The following PCDHGA2 variants were observed in gnomAD, a reference collection of about 807,000 sequenced individuals.
The protein encoded by PCDHGA2 is protocadherin gamma-A2.
A neutral mutation model predicts 59.2 loss-of-function variants in PCDHGA2; 40 were observed. The ratio of observed to expected loss-of-function variants is 0.68; its 90% CI spans 0.52 to 0.88. The LOEUF (loss-of-function observed/expected upper bound fraction) is 0.88, where lower values mean the gene tolerates loss of function less well. Among genes scored for constraint, PCDHGA2 ranks in the 40% least tolerant of loss-of-function variants. The pLI is 0.00. For missense variants in PCDHGA2, 1,226 were observed against 1,204.0 expected, an observed-to-expected ratio of 1.02 and a Z score of -0.27; for synonymous variants, 560 against 526.0, an observed-to-expected ratio of 1.06 and a Z score of -0.89.
rs374200575 is a variant in PCDHGA2, at chr5:141,432,105, C to T, written c.2425-62702C>T. On this transcript the variant is annotated intron_variant, in intron 1 of 3. Transcript: ENST00000394576. The surrounding 1 kb of genome is among the most constrained non-coding windows in gnomAD (Gnocchi z 6.0). ...AACGTGGCAGACACCAACGACAACC[C>T]GCCGGTCTTCCCTCAGGCCTCCTAT... 1.9e-6 allele frequency: 3 copies of T among 1,614,172 alleles called. No homozygotes were observed. Among genetic ancestry groups the T allele is most frequent in the Admixed American group, 3.3e-5 (2 of 60,032 alleles).
In PCDHGA2 at chr5:141,511,233, T is replaced by C. The variant is rs776405064; in HGVS notation, c.*60T>C. 5.0e-6 allele frequency: 8 copies of C among 1,595,310 alleles called. No homozygotes were observed. Among genetic ancestry groups the C allele is most frequent in the Non-Finnish European group, 6.8e-6 (8 of 1,170,902 alleles). On this transcript the variant is annotated 3_prime_UTR_variant, in exon 4 of 4. Transcript: ENST00000394576. ...CTCCCCAACCAGCCCAGCTTCTCCT[T>C]ACCTGCACCCAGGCCTCAGAGTTTC...
chr5:141,403,694 C>T (rs746395931), intron 1 of PCDHGA2: 3 of 1,613,760 alleles, frequency 1.9e-6, no homozygotes, highest in Admixed American at 3.3e-5. Flanking sequence ...ACGGATTTAC[C>T]GAGTTAAAGT....
intron 1 of PCDHGA2, chr5:141,352,665 C>T (rs755324921): frequency 2.5e-6 from 4 of 1,587,432 alleles, no homozygotes; most frequent in South Asian, 1.1e-5. Context: ...TCTTTGTCTT[C>T]GCACGTGAGT....
intron 1 of PCDHGA2, among the ~76,000 whole-genome samples, chr5:141,475,620 G>A (rs2154572702): frequency 6.6e-6 from 1 of 152,238 alleles, no homozygotes; most frequent in Admixed American, 6.5e-5. Flanking sequence ...TTTTCGGTTT[G>A]GTTCGATCCC....
In PCDHGA2 at chr5:141,477,005, T is replaced by C; in HGVS notation, c.2425-17802T>C. The C allele has an allele frequency of 1.2e-6, 2 of 1,614,240 alleles. No individual in the cohort carries two copies. Among genetic ancestry groups the C allele is most frequent in the Non-Finnish European group, 1.7e-6 (2 of 1,180,040 alleles). Reference sequence around the variant, plus strand: ...CGCCGGCGTGCGGCAACTATTCGCCTTAGACCTTGTAACCGGGATGCTGAC... The same window carrying C: ...CGCCGGCGTGCGGCAACTATTCGCCCTAGACCTTGTAACCGGGATGCTGAC... On this transcript the variant is annotated intron_variant, in intron 1 of 3. Transcript: ENST00000394576. The surrounding 1 kb of genome is among the most constrained non-coding windows in gnomAD (Gnocchi z 4.9).
At chr5:141,405,603 T>A in intron 1 of PCDHGA2, 1 of 571,444 alleles carries the variant, frequency 1.7e-6, no homozygotes, top group Non-Finnish European at 3.1e-6. Flanking sequence ...CCAAGTAGAA[T>A]AACTGGGACT....
At chr5:141,506,910 G>C (rs1165112258) in intron 3 of PCDHGA2, among the ~76,000 whole-genome samples, 1 of 152,082 alleles carries the variant, frequency 6.6e-6, no homozygotes, top group Admixed American at 6.5e-5. Context: ...ATCACACCTG[G>C]GCACATACTA....
chr5:141,371,485 C>T, intron 1 of PCDHGA2: 1 of 1,613,980 alleles, frequency 6.2e-7, no homozygotes, highest in South Asian at 1.1e-5. Context: ...GAGCTGGGGA[C>T]TGCCGTTGCC....
Position 141,423,756 on chromosome 5 carries a change from G to GA in PCDHGA2, c.2425-71051_2425-71050insA. ...GCCTGTTATGAAAACTGTTTGGGGGGGGGGTGGGGCGGCATATATTTAGTT... is the reference window on the plus strand; with the variant it reads ...GCCTGTTATGAAAACTGTTTGGGGGGAGGGGTGGGGCGGCATATATTTAGTT... On this transcript the variant is annotated intron_variant, in intron 1 of 3. Transcript: ENST00000394576. 2 of 448,622 alleles carry GA rather than the reference G, an allele frequency of 4.5e-6. 1 individual carries two copies. The highest frequency in any genetic ancestry group is 6.1e-6 in the Non-Finnish European group (2 of 329,708). 27.8% of individuals were successfully genotyped at this position (448,622 alleles called of 1,614,324 possible). A position where few individuals can be genotyped will look rare whatever the true frequency, so the allele number is the denominator to read the frequency against.
intron 1 of PCDHGA2, chr5:141,419,150 C>T (rs1276109093): frequency 1.2e-6 from 2 of 1,613,850 alleles, no homozygotes; most frequent in Admixed American, 3.3e-5. Flanking sequence ...GGGCAAGCCT[C>T]CGTTATCCTC....
At chr5:141,393,968 C>T (rs2092886432) in intron 1 of PCDHGA2, 1 of 1,613,770 alleles carries the variant, frequency 6.2e-7, no homozygotes, top group Non-Finnish European at 8.5e-7. Context: ...TTGTCTGTTA[C>T]ACACGTGATA....
chr5:141,366,360 G>T, intron 1 of PCDHGA2: 1 of 1,614,024 alleles, frequency 6.2e-7, no homozygotes. Context: ...GACCTAGGCA[G>T]TATCAAGACC....
chr5:141,341,139 G>A lies in PCDHGA2; in HGVS notation c.2168G>A (p.Arg723His). 2 of 1,614,194 alleles carry A rather than the reference G, an allele frequency of 1.2e-6. No homozygotes were observed. Among genetic ancestry groups the A allele is most frequent in the Non-Finnish European group, 1.7e-6 (2 of 1,180,026 alleles). Residue 723 changes from arginine (R) to histidine (H), a missense_variant, in exon 1 of 4, where the codon CGC (arginine) becomes CAC (histidine). Arg to His is a conservative substitution (Grantham distance 29, BLOSUM62 0). Coordinates refer to ENST00000394576, the MANE Select transcript of PCDHGA2 (RefSeq NM_018915.4). Reference sequence around the variant, plus strand: ...AGGCTGCGGCGCTGGCACAAGTCACGCCTGCTGCAGGCTTCAGGAGGCAGC... The same window carrying A: ...AGGCTGCGGCGCTGGCACAAGTCACACCTGCTGCAGGCTTCAGGAGGCAGC... ...AHRLRRWHKS[R>H]LLQASGGSLT...
intron 1 of PCDHGA2, among the ~76,000 whole-genome samples, chr5:141,382,008 T>C (rs2150196645): frequency 6.6e-6 from 1 of 151,992 alleles, no homozygotes; most frequent in Middle Eastern, 3.4e-3. Context: ...TTTGTATTTT[T>C]AGTAGAGACG....
intron 1 of PCDHGA2, chr5:141,430,690 G>A: frequency 1.4e-6 from 2 of 1,410,426 alleles, no homozygotes; most frequent in Non-Finnish European, 1.9e-6. Flanking sequence ...CCCATTCTAT[G>A]GGCGAAGGAA....
chr5:141,407,009 T>C (rs1388688972), intron 1 of PCDHGA2, among the ~76,000 whole-genome samples: 1 of 152,198 alleles, frequency 6.6e-6, no homozygotes, highest in Non-Finnish European at 1.5e-5. Flanking sequence ...AGCTTTGAAG[T>C]TGACTCAAAA....
rs528541640 is a variant in PCDHGA2 at position 141,340,366 on chromosome 5, C to A, written c.1395C>A (p.Asn465Lys). ...TSYSTYIPEN[N>K]PRGASVFSVT... ...ACTCCACCTACATTCCCGAAAACAA[C>A]CCCAGAGGAGCCTCTGTCTTCTCAG... Residue 465 changes from asparagine (N) to lysine (K), a missense_variant, in exon 1 of 4, where the codon AAC becomes AAA. By Grantham distance (94) the Asn-to-Lys change is moderately conservative. Transcript: ENST00000394576. The A allele has an allele frequency of 1.2e-5, 19 of 1,614,184 alleles. No individual in the cohort carries two copies. In the South Asian group the frequency reaches 1.8e-4, roughly 15 times the overall value.
chr5:141,487,831 A>T lies in PCDHGA2; in HGVS notation c.2425-6976A>T. 2 of 1,144,322 alleles carry T rather than the reference A, an allele frequency of 1.7e-6. No individual in the cohort carries two copies. Among genetic ancestry groups the T allele is most frequent in the Non-Finnish European group, 2.4e-6 (2 of 818,294 alleles). 70.9% of individuals were successfully genotyped at this position (1,144,322 alleles called of 1,614,324 possible). ...TTAGCATTGGGGGCGGGTCATGCCT[A>T]TATCTGAGTAAGAAATGAAAGTAAT... On this transcript the variant is annotated intron_variant, in intron 1 of 3. Transcript: ENST00000394576. The surrounding 1 kb of genome is among the most constrained non-coding windows in gnomAD (Gnocchi z 5.0).
In PCDHGA2 at chr5:141,400,210, A is replaced by C. The variant is rs201102949; in HGVS notation, c.2424+58815A>C. 1.2e-3 allele frequency: 1,976 copies of C among 1,613,732 alleles called. 4 individuals are homozygous for C. The highest frequency in any genetic ancestry group is 1.6e-3 in the Non-Finnish European group (1,832 of 1,179,862). ...TTACCTAGTGGTGGCCTTGGCCTTG[A>C]TCTCAGTGCTCTTCCTCCTGGCCGT... On this transcript the variant is annotated intron_variant, in intron 1 of 3. Coordinates refer to ENST00000394576, the MANE Select transcript of PCDHGA2 (RefSeq NM_018915.4).
Sources: allele counts gnomAD v4.1 joint callset (sites outside exome capture counted in the v4.1 genomes callset), GRCh38; gene constraint gnomAD v4.1.1; non-coding constraint Gnocchi (gnomAD v3.1); transcripts MANE v1.5; gene names NCBI Gene and HGNC (gene_info 2026-07-23, HGNC 2026-07-21).